ZNF423: variants seen among roughly 807,000 people sequenced by gnomAD.
The protein encoded by ZNF423 is zinc finger protein 423, also known as Ebf-associated zinc finger protein.
Under a neutral mutation model 95.8 loss-of-function variants are expected in ZNF423, and 12 were observed. That is an observed-to-expected ratio of 0.13 (90% confidence interval 0.08 to 0.20). ZNF423 has a LOEUF of 0.20. Among genes scored for constraint, ZNF423 ranks in the 10% least tolerant of loss-of-function variants. ZNF423 has a pLI of 1.00. For synonymous variants in ZNF423, 749 were observed against 711.9 expected (o/e 1.05, Z -0.83); for missense variants, 1,316 against 1,737.1 (o/e 0.76, Z 4.31).
chr16:49,851,811 C>G (rs1345341583), intron 1 of ZNF423, among the ~76,000 whole-genome samples: 1 of 152,166 alleles, frequency 6.6e-6, no homozygotes, highest in Non-Finnish European at 1.5e-5. Flanking sequence ...AGAATCTAAA[C>G]AGCAATTACT....
At chr16:49,660,294 T>A (rs994800574) in intron 3 of ZNF423, among the ~76,000 whole-genome samples, 2 of 152,134 alleles carry the variant, frequency 1.3e-5, no homozygotes, top group Non-Finnish European at 2.9e-5. Context: ...AATGGATGGA[T>A]GGATGGATGA....
intron 1 of ZNF423, among the ~76,000 whole-genome samples, chr16:49,831,580 C>A (rs367812641): frequency 3.3e-5 from 5 of 152,328 alleles, no homozygotes; most frequent in African/African-American, 1.2e-4. Flanking sequence ...CTCCCAGTGA[C>A]TTCCCAAGGC....
intron 2 of ZNF423, among the ~76,000 whole-genome samples, chr16:49,738,912 G>A (rs535298060): frequency 9.9e-5 from 15 of 152,150 alleles, no homozygotes; most frequent in African/African-American, 3.4e-4. Context: ...AGGAGCCATC[G>A]GGACACTGGG....
intron 7 of ZNF423, among the ~76,000 whole-genome samples, chr16:49,519,083 T>C (rs1207466132): frequency 6.6e-6 from 1 of 152,074 alleles, no homozygotes; most frequent in Non-Finnish European, 1.5e-5. Flanking sequence ...AAAACAAGAT[T>C]CATTCACATT....
chr16:49,823,232 A>G (rs1489672680), intron 1 of ZNF423, among the ~76,000 whole-genome samples: 4 of 152,236 alleles, frequency 2.6e-5, no homozygotes, highest in Admixed American at 2.6e-4. Flanking sequence ...CACTACCTGG[A>G]CAGAAGCCTC....
At chr16:49,606,160 A>C (rs935632522) in intron 5 of ZNF423, among the ~76,000 whole-genome samples, 1 of 152,212 alleles carries the variant, frequency 6.6e-6, no homozygotes, top group Non-Finnish European at 1.5e-5. Flanking sequence ...GACATGTAGG[A>C]GTCACTTTCC....
At chr16:49,693,076 TAA>T (rs1281524328) in intron 3 of ZNF423, among the ~76,000 whole-genome samples, 1 of 152,238 alleles carries the variant, frequency 6.6e-6, no homozygotes. Flanking sequence ...TGTGAATAAA[TAA>T]AAAGAGTGAT....
intron 1 of ZNF423, among the ~76,000 whole-genome samples, chr16:49,832,472 A>G (rs2035071131): frequency 6.6e-6 from 1 of 151,778 alleles, no homozygotes; most frequent in Admixed American, 6.6e-5. Flanking sequence ...TATGGACATC[A>G]GGAGAGCTTG....
chr16:49,853,305 G>GGT (rs1422967784), intron 1 of ZNF423, among the ~76,000 whole-genome samples: 2 of 147,570 alleles, frequency 1.4e-5, no homozygotes, highest in Non-Finnish European at 3.0e-5. Context: ...GCGGGGCGGG[G>GGT]GGGGAGCAGT....
At chr16:49,660,973 C>A (rs1429675264) in intron 3 of ZNF423, among the ~76,000 whole-genome samples, 1 of 152,146 alleles carries the variant, frequency 6.6e-6, no homozygotes, top group Non-Finnish European at 1.5e-5. Flanking sequence ...ATAATCCCAG[C>A]ACTTTGGGAG....
chr16:49,666,945 AG>A (rs1323930974), intron 3 of ZNF423, among the ~76,000 whole-genome samples: 1 of 152,182 alleles, frequency 6.6e-6, no homozygotes, highest in Non-Finnish European at 1.5e-5. Context: ...CCCAGTGGGG[AG>A]GAAGGAGGCC....
intron 5 of ZNF423, among the ~76,000 whole-genome samples, chr16:49,554,213 G>A (rs1969745431): frequency 6.6e-6 from 1 of 152,168 alleles, no homozygotes; most frequent in African/African-American, 2.4e-5. Context: ...CAAACCAGGA[G>A]TTTGAAGCAT....
chr16:49,614,914 T>A (rs1385983960), intron 5 of ZNF423, among the ~76,000 whole-genome samples: 1 of 152,174 alleles, frequency 6.6e-6, no homozygotes, highest in African/African-American at 2.4e-5. Context: ...GTGTATCACC[T>A]GAGGTCAGGA....
chr16:49,529,301 A>C (rs1968749592), intron 5 of ZNF423, among the ~76,000 whole-genome samples: 1 of 152,034 alleles, frequency 6.6e-6, no homozygotes, highest in African/African-American at 2.4e-5. Flanking sequence ...AAATCTATTG[A>C]TTTATTATGA....
At chr16:49,820,216 C>T (rs1326168253) in intron 1 of ZNF423, among the ~76,000 whole-genome samples, 2 of 152,160 alleles carry the variant, frequency 1.3e-5, no homozygotes, top group Non-Finnish European at 2.9e-5. Context: ...GGCCTAACTC[C>T]TCTTGAAGGC....
At chr16:49,811,365 G>C (rs1567353919) in intron 1 of ZNF423, among the ~76,000 whole-genome samples, 1 of 152,036 alleles carries the variant, frequency 6.6e-6, no homozygotes, top group Non-Finnish European at 1.5e-5. Flanking sequence ...TGATCGCAGG[G>C]GAAATAGGTA....
chr16:49,573,912 G>A (rs970845983), intron 5 of ZNF423, among the ~76,000 whole-genome samples: 14 of 152,186 alleles, frequency 9.2e-5, no homozygotes, highest in Non-Finnish European at 4.4e-5. Flanking sequence ...GACTAGATCA[G>A]GGATGCGTAC....
intron 1 of ZNF423, among the ~76,000 whole-genome samples, chr16:49,806,798 G>T (rs1245371247): frequency 6.6e-6 from 1 of 151,982 alleles, no homozygotes; most frequent in Non-Finnish European, 1.5e-5. Context: ...GGAGGCCAAG[G>T]CAGGCAGATC....
At chr16:49,700,564 G>C (rs1191339638) in intron 3 of ZNF423, among the ~76,000 whole-genome samples, 1 of 152,236 alleles carries the variant, frequency 6.6e-6, no homozygotes, top group Non-Finnish European at 1.5e-5. Context: ...AATCAGGCTG[G>C]AGAAAGGAAA....
Sources: gnomAD v4.1 joint callset for allele counts (sites outside exome capture counted in the v4.1 genomes callset) on GRCh38, gnomAD v4.1.1 for gene constraint, MANE v1.5 for transcripts, NCBI Gene and HGNC (gene_info 2026-07-23, HGNC 2026-07-21) for gene names.